The following HECW2 variants were observed in gnomAD, a reference collection of about 807,000 sequenced individuals.
HECW2 encodes HECT, C2 and WW domain containing E3 ubiquitin protein ligase 2, also known as E3 ubiquitin-protein ligase HECW2.
Under a neutral mutation model 175.2 loss-of-function variants are expected in HECW2, and 61 were observed. That is an observed-to-expected ratio of 0.35 (90% confidence interval 0.28 to 0.43). HECW2 has a LOEUF of 0.43. HECW2 is among the 20% of genes least tolerant of loss of function. The pLI is 1.00. For synonymous variants in HECW2, 671 were observed against 731.0 expected (o/e 0.92, Z 1.32); for missense variants, 1,524 against 2,000.5 (o/e 0.76, Z 4.54).
intron 2 of HECW2, among the ~76,000 whole-genome samples, chr2:196,368,381 T>C (rs1040708097): frequency 9.2e-5 from 14 of 152,248 alleles, no homozygotes; most frequent in Admixed American, 5.2e-4. Context: ...CGTTGTTTCT[T>C]TTCTCCTACT....
At chr2:196,338,589 T>C (rs1237884310) in intron 3 of HECW2, among the ~76,000 whole-genome samples, 1 of 152,220 alleles carries the variant, frequency 6.6e-6, no homozygotes, top group Non-Finnish European at 1.5e-5. Context: ...TGCCTCAGAC[T>C]AGGATCTCAT....
intron 21 of HECW2, among the ~76,000 whole-genome samples, chr2:196,229,787 C>A (rs1220418862): frequency 6.6e-6 from 1 of 152,142 alleles, no homozygotes; most frequent in Non-Finnish European, 1.5e-5. Context: ...TATATATGTA[C>A]CATTATTAAT....
intron 1 of HECW2, among the ~76,000 whole-genome samples, chr2:196,445,336 G>A (rs1266880912): frequency 1.3e-5 from 2 of 152,130 alleles, no homozygotes; most frequent in African/African-American, 4.8e-5. Flanking sequence ...TTATTTTTGA[G>A]TTACAAAGGT....
intron 1 of HECW2, among the ~76,000 whole-genome samples, chr2:196,578,085 A>C (rs1460784164): frequency 6.6e-6 from 1 of 152,210 alleles, no homozygotes; most frequent in Non-Finnish European, 1.5e-5. Flanking sequence ...TAATAGGTTC[A>C]AATTACTAAA....
chr2:196,228,671 T>C (rs1035782563), intron 21 of HECW2, among the ~76,000 whole-genome samples: 3 of 152,202 alleles, frequency 2.0e-5, no homozygotes, highest in Non-Finnish European at 2.9e-5. Flanking sequence ...CAGTTACATA[T>C]GCTCACAGGA....
chr2:196,570,224 C>A (rs953745269), intron 1 of HECW2, among the ~76,000 whole-genome samples: 2 of 152,170 alleles, frequency 1.3e-5, no homozygotes, highest in Admixed American at 1.3e-4. Flanking sequence ...ACTAGATGAT[C>A]CTTATGGTAC....
intron 2 of HECW2, among the ~76,000 whole-genome samples, chr2:196,400,488 T>C (rs369612557): frequency 3.3e-5 from 5 of 152,318 alleles, no homozygotes; most frequent in African/African-American, 1.2e-4. Flanking sequence ...CTAGAAATAG[T>C]TCAGAAGCAC....
In HECW2 at chr2:196,292,627, A is replaced by C; in HGVS notation, c.2938T>G (p.Phe980Val). ...NRDLVGFLNMFANKQLELPRG... is the reference protein window; with the variant it reads ...NRDLVGFLNMVANKQLELPRG... ...GGCAGCTCTAGCTGTTTGTTCGCGAACATGTTGAGGAATCCCACAAGGTCG... is the reference window on the plus strand; with the variant it reads ...GGCAGCTCTAGCTGTTTGTTCGCGACCATGTTGAGGAATCCCACAAGGTCG... The change falls in exon 14 of 29, where the codon TTC becomes GTC. Residue 980 changes from phenylalanine to valine, a missense_variant. Physicochemically the swap from Phe to Val is conservative, Grantham distance 50. Around this residue, in one of 11 missense-constraint regions of HECW2, gnomAD observed 291 missense variants for 412.2 expected, o/e 0.71. Coordinates refer to ENST00000644978, the MANE Select transcript of HECW2 (RefSeq NM_001348768.2). 1 of 1,614,144 alleles carries C rather than the reference A, an allele frequency of 6.2e-7. No individual in the cohort carries two copies. Among genetic ancestry groups the C allele is most frequent in the Non-Finnish European group, 8.5e-7 (1 of 1,179,992 alleles).
At chr2:196,523,990 T>C (rs972765347) in intron 1 of HECW2, among the ~76,000 whole-genome samples, 1 of 152,098 alleles carries the variant, frequency 6.6e-6, no homozygotes, top group African/African-American at 2.4e-5. Context: ...GCTGGCCTCA[T>C]AAAATGAGTT....
chr2:196,413,739 A>T (rs1010695903), intron 2 of HECW2, among the ~76,000 whole-genome samples: 2 of 152,176 alleles, frequency 1.3e-5, no homozygotes, highest in African/African-American at 4.8e-5. Context: ...GATAAAATGG[A>T]CAGCAGATGA....
At chr2:196,228,042 T>TA (rs1354181654) in intron 22 of HECW2, 60 bp downstream of exon 22, 2 of 1,415,890 alleles carry the variant, frequency 1.4e-6, no homozygotes, top group African/African-American at 1.5e-5. Flanking sequence ...GTGGGTTCTA[T>TA]AAAAAAACTA....
chr2:196,301,447 C>T (rs991264632), intron 13 of HECW2, among the ~76,000 whole-genome samples: 9 of 152,166 alleles, frequency 5.9e-5, no homozygotes, highest in Admixed American at 2.0e-4. Context: ...TTTAGGGAAT[C>T]GCCACACTGT....
At chr2:196,507,301 A>G (rs1342518798) in intron 1 of HECW2, among the ~76,000 whole-genome samples, 1 of 151,596 alleles carries the variant, frequency 6.6e-6, no homozygotes, top group African/African-American at 2.4e-5. Context: ...TTTTGAGGTA[A>G]GTAATACCCA....
intron 1 of HECW2, among the ~76,000 whole-genome samples, chr2:196,590,860 T>C (rs1185456929): frequency 6.6e-6 from 1 of 152,216 alleles, no homozygotes; most frequent in Non-Finnish European, 1.5e-5. Flanking sequence ...CAAGATCACA[T>C]TGCCCAAGTG....
At chr2:196,586,060 C>A (rs1690963973) in intron 1 of HECW2, among the ~76,000 whole-genome samples, 1 of 152,150 alleles carries the variant, frequency 6.6e-6, no homozygotes, top group Non-Finnish European at 1.5e-5. Context: ...TACTCCCCAT[C>A]AAAACTTACT....
At chr2:196,345,858 T>C (rs1021033113) in intron 2 of HECW2, among the ~76,000 whole-genome samples, 1 of 152,214 alleles carries the variant, frequency 6.6e-6, no homozygotes, top group Non-Finnish European at 1.5e-5. Flanking sequence ...GCAGAGCTGC[T>C]TGGATGCTGG....
chr2:196,513,330 G>T (rs200752716), intron 1 of HECW2, among the ~76,000 whole-genome samples: 1 of 152,238 alleles, frequency 6.6e-6, no homozygotes, highest in South Asian at 2.1e-4. Flanking sequence ...GCCACATGGC[G>T]AAATGTCATC....
chr2:196,495,114 G>GT (rs1171930067), intron 1 of HECW2, among the ~76,000 whole-genome samples: 7 of 151,264 alleles, frequency 4.6e-5, no homozygotes, highest in Non-Finnish European at 1.0e-4. Context: ...TGTCACCCAG[G>GT]TGGAGTGCAA....
chr2:196,287,944 A>G (rs1248715768), intron 14 of HECW2: 1 of 152,010 alleles, frequency 6.6e-6, no homozygotes, highest in East Asian at 1.9e-4. Flanking sequence ...GTCATTCTAC[A>G]GTGGACCCTT....
Sources: allele counts gnomAD v4.1 joint callset (sites outside exome capture counted in the v4.1 genomes callset), GRCh38; gene constraint gnomAD v4.1.1; regional missense constraint gnomAD v4.1.1; transcripts MANE v1.5; gene names NCBI Gene and HGNC (gene_info 2026-07-23, HGNC 2026-07-21).